FHIP1A: variants seen among roughly 807,000 people sequenced by gnomAD.
The protein encoded by FHIP1A is FHF complex subunit HOOK interacting protein 1A, also known as FHF complex subunit HOOK-interacting protein 1A.
FHIP1A carries 61 observed loss-of-function variants against 88.6 expected under a neutral mutation model. The ratio of observed to expected loss-of-function variants is 0.69; its 90% CI spans 0.56 to 0.85. The LOEUF is 0.85. FHIP1A is among the 40% of genes least tolerant of loss of function. FHIP1A has a pLI of 0.00. For synonymous variants in FHIP1A, 478 were observed against 496.0 expected, an observed-to-expected ratio of 0.96 and a Z score of 0.48; for missense variants, 1,154 against 1,273.5, an observed-to-expected ratio of 0.91 and a Z score of 1.43.
chr4:151,525,879 G>T (rs924782642), intron 3 of FHIP1A, among the ~76,000 whole-genome samples: 17 of 151,832 alleles, frequency 1.1e-4, no homozygotes, highest in Non-Finnish European at 2.2e-4. Flanking sequence ...AAGGTCTCTG[G>T]TTTTCCTAGG....
At chr4:151,606,847 C>G (rs917349572) in intron 7 of FHIP1A, among the ~76,000 whole-genome samples, 1 of 152,166 alleles carries the variant, frequency 6.6e-6, no homozygotes, top group Admixed American at 6.5e-5. Context: ...TGAAAGCATA[C>G]CTATGTGCCC....
At chr4:151,528,344 A>G (rs1731757223) in intron 3 of FHIP1A, among the ~76,000 whole-genome samples, 3 of 152,226 alleles carry the variant, frequency 2.0e-5, no homozygotes, top group Admixed American at 1.3e-4. Context: ...CAAATTTGAG[A>G]AAGGCGCTGA....
At chr4:151,583,963 C>T (rs1360326655) in intron 5 of FHIP1A, among the ~76,000 whole-genome samples, 3 of 151,588 alleles carry the variant, frequency 2.0e-5, no homozygotes, top group East Asian at 1.9e-4. Context: ...GTCTTGTTTA[C>T]GGTTGTATTT....
At chr4:151,415,169 A>C (rs1008551162) in intron 1 of FHIP1A, among the ~76,000 whole-genome samples, 1 of 149,768 alleles carries the variant, frequency 6.7e-6, no homozygotes, top group Non-Finnish European at 1.5e-5. Flanking sequence ...CATTGAATAG[A>C]TATAGTTTTT....
In FHIP1A at chr4:151,649,940, A is replaced by G; in HGVS notation, c.1899A>G (p.Ile633Met). 6.4e-7 allele frequency: 1 copy of G among 1,551,536 alleles called. No homozygotes were observed. The highest frequency in any genetic ancestry group is 8.7e-7 in the Non-Finnish European group (1 of 1,146,940). The change falls in exon 11 of 14, where the codon ATA (isoleucine) becomes ATG (methionine). Residue 633 changes from isoleucine to methionine, a missense_variant. Coordinates refer to ENST00000435205, the MANE Select transcript of FHIP1A (RefSeq NM_001109977.3). ...TCCTGCTCTTCAAAGGGTCCTACATAGAAGAGTCGGACTTTCAGGATGATG... is the reference window on the plus strand; with the variant it reads ...TCCTGCTCTTCAAAGGGTCCTACATGGAAGAGTCGGACTTTCAGGATGATG... ...NALLLFKGSY[I>M]EESDFQDDVM...
At chr4:151,598,987 G>A (rs1734756273) in intron 7 of FHIP1A, among the ~76,000 whole-genome samples, 1 of 152,192 alleles carries the variant, frequency 6.6e-6, no homozygotes, top group Non-Finnish European at 1.5e-5. Context: ...CCCCACTGGG[G>A]GAGGTTCTGT....
At chr4:151,640,887 G>C (rs1736562590) in intron 9 of FHIP1A, among the ~76,000 whole-genome samples, 1 of 152,168 alleles carries the variant, frequency 6.6e-6, no homozygotes, top group South Asian at 2.1e-4. Flanking sequence ...ATCGGTAATG[G>C]CTTCTCTGGA....
intron 7 of FHIP1A, 58 bp from the exon 8 acceptor site, chr4:151,629,644 G>T (rs952198518): frequency 3.7e-5 from 55 of 1,480,552 alleles, no homozygotes; most frequent in Non-Finnish European, 4.9e-5. Flanking sequence ...CACGGGAGAG[G>T]CGTGTATCAC....
intron 7 of FHIP1A, among the ~76,000 whole-genome samples, chr4:151,611,807 C>T (rs1735334046): frequency 2.6e-5 from 4 of 152,074 alleles, no homozygotes. Flanking sequence ...AGTAGGTGTT[C>T]TATGTATAAG....
chr4:151,539,011 T>C (rs1732170564), intron 3 of FHIP1A, among the ~76,000 whole-genome samples: 1 of 152,240 alleles, frequency 6.6e-6, no homozygotes, highest in Non-Finnish European at 1.5e-5. Context: ...CAGTATTTTT[T>C]CTACCAGCCG....
chr4:151,426,844 A>G (rs747508237), intron 1 of FHIP1A, among the ~76,000 whole-genome samples: 6 of 152,194 alleles, frequency 3.9e-5, no homozygotes, highest in African/African-American at 7.2e-5. Flanking sequence ...AACCTAAATT[A>G]TTGTATTTTT....
chr4:151,580,862 T>C (rs966783937), intron 5 of FHIP1A, among the ~76,000 whole-genome samples: 5 of 152,114 alleles, frequency 3.3e-5, no homozygotes, highest in African/African-American at 7.2e-5. Context: ...TATTTATTTA[T>C]TTACTTATTT....
intron 13 of FHIP1A, among the ~76,000 whole-genome samples, chr4:151,660,409 A>G (rs770495823): frequency 4.5e-4 from 54 of 120,754 alleles, no homozygotes; most frequent in Non-Finnish European, 8.5e-4. Context: ...AAGAGAATGA[A>G]TGAATTTGGA....
At chr4:151,568,096 C>T (rs937445967) in intron 4 of FHIP1A, among the ~76,000 whole-genome samples, 1 of 152,182 alleles carries the variant, frequency 6.6e-6, no homozygotes, top group Non-Finnish European at 1.5e-5. Flanking sequence ...AGGCTTTCTC[C>T]AAATGTGAGG....
At chr4:151,412,205 C>T (rs1580534041) in intron 1 of FHIP1A, among the ~76,000 whole-genome samples, 2 of 151,878 alleles carry the variant, frequency 1.3e-5, no homozygotes, top group Admixed American at 6.5e-5. Flanking sequence ...CCAGTTCCAG[C>T]GATTCTCCTA....
intron 10 of FHIP1A, among the ~76,000 whole-genome samples, chr4:151,647,912 T>C (rs1736858986): frequency 6.6e-6 from 1 of 152,164 alleles, no homozygotes; most frequent in African/African-American, 2.4e-5. Flanking sequence ...TTGAAGAAGG[T>C]AGTATTCCCA....
At chr4:151,480,876 G>C (rs921980193) in intron 2 of FHIP1A, among the ~76,000 whole-genome samples, 40 of 151,878 alleles carry the variant, frequency 2.6e-4, no homozygotes, top group African/African-American at 9.4e-4. Context: ...ATAAGAGAAG[G>C]TACATTCTAA....
In FHIP1A at chr4:151,656,948, C is replaced by A. The variant is rs1331570220; in HGVS notation, c.2869+50C>A. ...CCCTCCTTAAATTCCTCCTCCACGT[C>A]CCTGGCCTACTGGCCTCAGTTCACA... On this transcript the variant is annotated intron_variant, in intron 13 of 13. Coordinates refer to ENST00000435205, the MANE Select transcript of FHIP1A (RefSeq NM_001109977.3). This position sits in a 1 kb window ranked among gnomAD's most constrained non-coding sequence, Gnocchi z 4.2. 2.0e-6 allele frequency: 3 copies of A among 1,513,378 alleles called. No individual in the cohort carries two copies. Among genetic ancestry groups the A allele is most frequent in the Non-Finnish European group, 2.7e-6 (3 of 1,125,026 alleles). 93.7% of individuals were successfully genotyped at this position (1,513,378 alleles called of 1,614,324 possible).
At chr4:151,582,716 A>G (rs1445099354) in intron 5 of FHIP1A, among the ~76,000 whole-genome samples, 1 of 152,196 alleles carries the variant, frequency 6.6e-6, no homozygotes, top group African/African-American at 2.4e-5. Flanking sequence ...AAATGGGTTA[A>G]TGCTTAATGT....
Sources: allele counts gnomAD v4.1 joint callset (sites outside exome capture counted in the v4.1 genomes callset), GRCh38; gene constraint gnomAD v4.1.1; non-coding constraint Gnocchi (gnomAD v3.1); transcripts MANE v1.5; gene names NCBI Gene and HGNC (gene_info 2026-07-23, HGNC 2026-07-21).